Variants in GRM5 observed in about 807,000 individuals in gnomAD.
GRM5 encodes the protein metabotropic glutamate receptor 5.
A neutral mutation model predicts 83.1 loss-of-function variants in GRM5; 19 were observed. The ratio of observed to expected loss-of-function variants is 0.23; its 90% CI spans 0.16 to 0.34. The LOEUF (loss-of-function observed/expected upper bound fraction) is 0.34, where lower values mean the gene tolerates loss of function less well. Ranked by LOEUF, GRM5 falls within the 10% of genes least tolerant of loss-of-function variation. The pLI is 1.00. For missense variants in GRM5, 1,160 were observed against 1,588.3 expected, an observed-to-expected ratio of 0.73 and a Z score of 4.58; for synonymous variants, 675 against 633.6, an observed-to-expected ratio of 1.07 and a Z score of -0.98.
intron 2 of GRM5, among the ~76,000 whole-genome samples, chr11:88,875,779 T>C (rs1233637327): frequency 6.6e-6 from 1 of 152,082 alleles, no homozygotes; most frequent in Admixed American, 6.6e-5. Flanking sequence ...GGGTGCATTG[T>C]CATAAAGCAG....
chr11:89,000,474 A>T (rs987920436), intron 2 of GRM5, among the ~76,000 whole-genome samples: 1 of 152,194 alleles, frequency 6.6e-6, no homozygotes, highest in African/African-American at 2.4e-5. Context: ...AGCCTTTTTA[A>T]TAAGTGATAT....
At chr11:88,781,199 T>G (rs1346286895) in intron 3 of GRM5, among the ~76,000 whole-genome samples, 1 of 150,920 alleles carries the variant, frequency 6.6e-6, no homozygotes, top group Non-Finnish European at 1.5e-5. Context: ...GAAGAGCATG[T>G]GGGAGAGGAA....
intron 2 of GRM5, among the ~76,000 whole-genome samples, chr11:88,879,307 T>A (rs1413990865): frequency 6.6e-6 from 1 of 151,922 alleles, no homozygotes; most frequent in Non-Finnish European, 1.5e-5. Context: ...CTGACTTGTA[T>A]CCAGAATATA....
intron 2 of GRM5, among the ~76,000 whole-genome samples, chr11:88,885,107 A>G (rs1347908125): frequency 1.3e-5 from 2 of 151,928 alleles, no homozygotes; most frequent in African/African-American, 4.8e-5. Context: ...ATGTTTCTGA[A>G]TTTATATATA....
At chr11:88,867,576 C>A (rs1944692965) in intron 2 of GRM5, among the ~76,000 whole-genome samples, 1 of 151,610 alleles carries the variant, frequency 6.6e-6, no homozygotes, top group Admixed American at 6.6e-5. Context: ...TAATCCTAAC[C>A]CCAAGTACCT....
chr11:88,954,692 T>A (rs1296615325), intron 2 of GRM5, among the ~76,000 whole-genome samples: 1 of 152,222 alleles, frequency 6.6e-6, no homozygotes, highest in Non-Finnish European at 1.5e-5. Flanking sequence ...AAACCACATG[T>A]GGCTAGTAGC....
intron 3 of GRM5, among the ~76,000 whole-genome samples, chr11:88,804,363 A>T (rs1204422572): frequency 6.7e-6 from 1 of 149,344 alleles, no homozygotes; most frequent in African/African-American, 2.5e-5. Context: ...GCCATAAAAA[A>T]TGATGAGTTC....
At chr11:89,002,899 G>C (rs1163649096) in intron 2 of GRM5, among the ~76,000 whole-genome samples, 2 of 152,032 alleles carry the variant, frequency 1.3e-5, no homozygotes, top group East Asian at 3.9e-4. Context: ...CTCACCCAGA[G>C]AACCTTATCT....
chr11:88,816,046 T>C (rs1326497009), intron 3 of GRM5, among the ~76,000 whole-genome samples: 1 of 144,864 alleles, frequency 6.9e-6, no homozygotes, highest in Non-Finnish European at 1.5e-5. Context: ...ACCCCGTCTC[T>C]ACTAAAAATA....
intron 3 of GRM5, among the ~76,000 whole-genome samples, chr11:88,847,444 G>A (rs913508699): frequency 6.6e-6 from 1 of 152,126 alleles, no homozygotes; most frequent in African/African-American, 2.4e-5. Flanking sequence ...TCCTATAAAT[G>A]GTTCTGATAA....
At chr11:88,717,291 A>T (rs543471988) in intron 3 of GRM5, among the ~76,000 whole-genome samples, 27 of 152,070 alleles carry the variant, frequency 1.8e-4, no homozygotes, top group African/African-American at 6.0e-4. Flanking sequence ...AACATAGGCA[A>T]ACAGTTGTTA....
intron 8 of GRM5, among the ~76,000 whole-genome samples, chr11:88,535,524 G>T (rs1050139403): frequency 6.6e-6 from 1 of 152,178 alleles, no homozygotes; most frequent in Non-Finnish European, 1.5e-5. Flanking sequence ...TTGAGCCATT[G>T]TGTCCTTTGA....
chr11:88,817,577 G>A lies in GRM5; in HGVS notation c.911+32329C>T, dbSNP rs192032697. On this transcript the variant is annotated intron_variant, in intron 3 of 9. Transcript: ENST00000305447. ...ATAAAAATACCATCAACTAGTGTAA[G>A]GTATTTTTATTACCTACCAACCAAT... is the stretch of plus-strand genomic sequence containing the variant. Among the ~76,000 whole-genome samples the A allele has an allele frequency of 4.1e-3, 617 of 151,980 alleles. 2 individuals carry two copies. The highest frequency in any genetic ancestry group is 0.014 in the African/African-American group (580 of 41,468).
intron 5 of GRM5, among the ~76,000 whole-genome samples, chr11:88,599,927 G>A (rs1435845887): frequency 6.6e-6 from 1 of 152,092 alleles, no homozygotes; most frequent in Non-Finnish European, 1.5e-5. Context: ...GCAGGAGAAT[G>A]GCGTGAACCC....
chr11:88,566,009 A>T (rs180918232), intron 8 of GRM5, among the ~76,000 whole-genome samples: 164 of 152,346 alleles, frequency 1.1e-3, no homozygotes, highest in African/African-American at 3.8e-3. Context: ...GCTAAGTGAT[A>T]GTATAGGAGA....
chr11:88,604,902 T>C lies in GRM5; in HGVS notation c.1210A>G (p.Ile404Val), dbSNP rs1938098322. Residue 404 changes from isoleucine to valine, a missense_variant, in exon 5 of 10, where the codon ATC becomes GTC. This residue lies in a region of GRM5 where 132 missense variants were observed against 197.6 expected (regional missense o/e 0.67). Coordinates refer to ENST00000305447, the MANE Select transcript of GRM5 (RefSeq NM_001143831.3). ...DSKMGFVINAIYSMAYGLHNM... is the reference protein window; with the variant it reads ...DSKMGFVINAVYSMAYGLHNM... ...TGGAGCCCATAGGCCATCGAATAGA[T>C]GGCGTTGATCACAAATCCCATTTTG... 1.2e-6 allele frequency: 2 copies of C among 1,612,680 alleles called. No homozygotes were observed. Among genetic ancestry groups the C allele is most frequent in the South Asian group, 1.1e-5 (1 of 91,046 alleles).
intron 2 of GRM5, among the ~76,000 whole-genome samples, chr11:89,008,050 CT>C (rs1288164036): frequency 6.6e-6 from 1 of 152,008 alleles, no homozygotes; most frequent in African/African-American, 2.4e-5. Flanking sequence ...AAGAAACTAT[CT>C]TTGTTGTAAG....
rs530564460 is a variant in GRM5 at position 88,633,246 on chromosome 11, A to AT, written c.1147+19921dup. On this transcript the variant is annotated intron_variant, in intron 4 of 9. Coordinates refer to ENST00000305447, the MANE Select transcript of GRM5 (RefSeq NM_001143831.3). ...TCATTTTAAAAACTGCATTGTTATTATTTTTTAAGAATTTCTCATCTACCC... is the reference window on the plus strand; with the variant it reads ...TCATTTTAAAAACTGCATTGTTATTATTTTTTTAAGAATTTCTCATCTACCC... 1.2e-3 allele frequency among the ~76,000 whole-genome samples: 179 copies of AT among 152,288 alleles called. 1 individual carries two copies. The highest frequency in any genetic ancestry group is 1.6e-3 in the Non-Finnish European group (107 of 68,012).
chr11:88,704,240 T>G (rs1034603611), intron 3 of GRM5, among the ~76,000 whole-genome samples: 1 of 152,080 alleles, frequency 6.6e-6, no homozygotes, highest in Non-Finnish European at 1.5e-5. Flanking sequence ...GGTGTCAATA[T>G]ATGAATTTGA....
Sources: gnomAD v4.1 joint callset for allele counts (sites outside exome capture counted in the v4.1 genomes callset) on GRCh38, gnomAD v4.1.1 for gene constraint, gnomAD v4.1.1 regional missense constraint, MANE v1.5 for transcripts, NCBI Gene and HGNC (gene_info 2026-07-23, HGNC 2026-07-21) for gene names.